The following IL1R1 variants were observed in gnomAD, a reference collection of about 807,000 sequenced individuals.
The protein encoded by IL1R1 is interleukin-1 receptor type 1.
Under a neutral mutation model 50.2 loss-of-function variants are expected in IL1R1, and 22 were observed. The observed-to-expected ratio is 0.44, with a 90% CI of 0.31 to 0.63. The LOEUF (loss-of-function observed/expected upper bound fraction) is 0.63, where lower values mean the gene tolerates loss of function less well. Ranked by LOEUF, IL1R1 falls within the 20% of genes least tolerant of loss-of-function variation. The probability of loss-of-function intolerance (pLI) is 0.07; values close to 1 mark genes in which losing one functional copy is unlikely to be tolerated. For missense variants in IL1R1, 509 were observed against 676.2 expected (o/e 0.75, Z 2.74); for synonymous variants, 251 against 236.7 (o/e 1.06, Z -0.55).
chr2:102,161,953 C>T (rs948524473), intron 3 of IL1R1, among the ~76,000 whole-genome samples: 7 of 152,124 alleles, frequency 4.6e-5, no homozygotes, highest in African/African-American at 1.7e-4. Flanking sequence ...TCACCCGCCT[C>T]AGCCTTGCAA....
At chr2:102,125,763 C>G (rs1193118325) in intron 1 of IL1R1, among the ~76,000 whole-genome samples, 1 of 152,148 alleles carries the variant, frequency 6.6e-6, no homozygotes, top group Non-Finnish European at 1.5e-5. Context: ...TAAAGGAAGA[C>G]TGAGGAATGC....
At chr2:102,107,528 A>G (rs913607644) in intron 1 of IL1R1, among the ~76,000 whole-genome samples, 86 of 152,248 alleles carry the variant, frequency 5.6e-4, no homozygotes, top group Non-Finnish European at 8.5e-4. Context: ...ACATTAGGAG[A>G]CATACCTAAT....
At chr2:102,140,474 G>A (rs946677894), upstream of IL1R1, among the ~76,000 whole-genome samples, 8 of 152,172 alleles carry the variant, frequency 5.3e-5, no homozygotes, top group African/African-American at 1.4e-4. Context: ...GAGACACCCC[G>A]GAAGGTGTCC....
chr2:102,107,713 G>GGAAA (rs1216486180), intron 1 of IL1R1, among the ~76,000 whole-genome samples: 5 of 152,172 alleles, frequency 3.3e-5, no homozygotes, highest in Admixed American at 3.3e-4. Context: ...TTTACCTTAA[G>GGAAA]GAAACCCTTT....
intron 1 of IL1R1, among the ~76,000 whole-genome samples, chr2:102,071,391 A>C (rs117448512): frequency 2.6e-5 from 4 of 152,186 alleles, no homozygotes; most frequent in Non-Finnish European, 5.9e-5. Context: ...GTGGCACTGT[A>C]TATAGGGCAT....
chr2:102,152,166 T>G (rs1183454282), intron 1 of IL1R1, among the ~76,000 whole-genome samples: 2 of 151,932 alleles, frequency 1.3e-5, no homozygotes, highest in Non-Finnish European at 2.9e-5. Flanking sequence ...TATAAATTCT[T>G]AAGTGAAGTT....
intron 1 of IL1R1, among the ~76,000 whole-genome samples, chr2:102,084,654 A>T (rs1055313564): frequency 6.6e-6 from 1 of 152,166 alleles, no homozygotes; most frequent in African/African-American, 2.4e-5. Flanking sequence ...GAACATTTGG[A>T]TAGTTTCTGG....
At chr2:102,169,113 A>G (rs1685451645) in intron 7 of IL1R1, among the ~76,000 whole-genome samples, 1 of 152,234 alleles carries the variant, frequency 6.6e-6, no homozygotes, top group African/African-American at 2.4e-5. Context: ...GAACTTCTGA[A>G]GAATTGATCA....
At chr2:102,132,659 T>C (rs1052190177) in intron 1 of IL1R1, among the ~76,000 whole-genome samples, 6 of 152,164 alleles carry the variant, frequency 3.9e-5, no homozygotes, top group African/African-American at 1.4e-4. Context: ...TTGATGTCAT[T>C]TGATGACACC....
intron 1 of IL1R1, among the ~76,000 whole-genome samples, chr2:102,086,547 T>G (rs1047183748): frequency 1.3e-5 from 2 of 152,096 alleles, no homozygotes; most frequent in African/African-American, 4.8e-5. Flanking sequence ...CTCTTTTTTT[T>G]TGGGGATTTT....
intron 1 of IL1R1, among the ~76,000 whole-genome samples, chr2:102,114,663 A>T (rs1215873869): frequency 6.6e-6 from 1 of 152,144 alleles, no homozygotes; most frequent in East Asian, 1.9e-4. Context: ...TTTATCATCA[A>T]CCTCAAACTC....
chr2:102,111,845 T>G (rs1319904189), intron 1 of IL1R1, among the ~76,000 whole-genome samples: 4 of 152,012 alleles, frequency 2.6e-5, no homozygotes, highest in Non-Finnish European at 5.9e-5. Context: ...CAGGTGTAAG[T>G]AGGGTTATCT....
At chr2:102,139,792 C>T (rs137897424), upstream of IL1R1, among the ~76,000 whole-genome samples, 2 of 152,338 alleles carry the variant, frequency 1.3e-5, no homozygotes, top group Non-Finnish European at 2.9e-5. Flanking sequence ...GAGGCCTCCT[C>T]AGAAGCCCAA....
At chr2:102,119,017 C>CAAA (rs56327525) in intron 1 of IL1R1, among the ~76,000 whole-genome samples, 145 of 74,220 alleles carry the variant, frequency 2.0e-3, no homozygotes, top group South Asian at 5.3e-3. Flanking sequence ...GACTGTGTCT[C>CAAA]AAAAAAAAAA....
chr2:102,171,149 G>A (rs1685640336), intron 7 of IL1R1, among the ~76,000 whole-genome samples: 1 of 152,202 alleles, frequency 6.6e-6, no homozygotes, highest in Non-Finnish European at 1.5e-5. Context: ...TGAAAAGCAT[G>A]TTGATTCACC....
At chr2:102,084,892 G>A (rs12477295) in intron 1 of IL1R1, among the ~76,000 whole-genome samples, 39,897 of 152,130 alleles carry the variant, frequency 0.26, 6,291 homozygotes, top group Non-Finnish European at 0.34. Flanking sequence ...CTTTACCAGC[G>A]TTTAATATTT....
intron 6 of IL1R1, among the ~76,000 whole-genome samples, chr2:102,166,911 TTG>T (rs1163771131): frequency 6.6e-6 from 1 of 152,190 alleles, no homozygotes; most frequent in Non-Finnish European, 1.5e-5. Flanking sequence ...GTTAATTTTC[TTG>T]TGTCTTTCAA....
At chr2:102,122,485 A>G (rs947194708) in intron 1 of IL1R1, among the ~76,000 whole-genome samples, 3 of 152,212 alleles carry the variant, frequency 2.0e-5, no homozygotes, top group African/African-American at 7.2e-5. Flanking sequence ...ACCTGGCAAT[A>G]GCAACTGAAT....
At chr2:102,127,142 G>C (rs1681758339) in intron 1 of IL1R1, among the ~76,000 whole-genome samples, 1 of 152,180 alleles carries the variant, frequency 6.6e-6, no homozygotes, top group African/African-American at 2.4e-5. Context: ...TCAAAAGAGA[G>C]AAACACTTTT....
Sources: gnomAD v4.1 joint callset for allele counts (sites outside exome capture counted in the v4.1 genomes callset) on GRCh38, gnomAD v4.1.1 for gene constraint, MANE v1.5 for transcripts, NCBI Gene and HGNC (gene_info 2026-07-23, HGNC 2026-07-21) for gene names.